Variants in CNTNAP4 observed in about 807,000 individuals in gnomAD.
The protein encoded by CNTNAP4 is contactin-associated protein-like 4.
Under a neutral mutation model 148.4 loss-of-function variants are expected in CNTNAP4, and 98 were observed. The observed-to-expected ratio is 0.66, with a 90% CI of 0.56 to 0.78. The LOEUF (loss-of-function observed/expected upper bound fraction) is 0.78. CNTNAP4 is among the 30% of genes least tolerant of loss of function. The pLI, the probability that CNTNAP4 is intolerant of heterozygous loss-of-function variation, is 0.00. For missense variants in CNTNAP4, 1,935 were observed against 1,565.6 expected, an observed-to-expected ratio of 1.24 and a Z score of -3.98; for synonymous variants, 730 against 565.1, an observed-to-expected ratio of 1.29 and a Z score of -4.14.
intron 1 of CNTNAP4, among the ~76,000 whole-genome samples, chr16:76,279,093 G>A (rs1326399261): frequency 6.6e-6 from 1 of 152,128 alleles, no homozygotes; most frequent in Non-Finnish European, 1.5e-5. Flanking sequence ...GAAAAACATT[G>A]CATCATACAA....
intron 21 of CNTNAP4, among the ~76,000 whole-genome samples, chr16:76,551,138 G>A (rs771719294): frequency 1.1e-4 from 16 of 152,058 alleles, no homozygotes; most frequent in Admixed American, 2.0e-4. Flanking sequence ...GGCCAGGTGC[G>A]GTGGTTCATG....
intron 17 of CNTNAP4, among the ~76,000 whole-genome samples, chr16:76,522,646 TTTTCTCTCTTTCTC>T (rs1568495875): frequency 1.1e-5 from 1 of 93,558 alleles, no homozygotes; most frequent in Non-Finnish European, 2.3e-5. Flanking sequence ...TCTTTCTTTC[TTTTCTCTCTTTCTC>T]TCTTTCCTTC....
intron 2 of CNTNAP4, among the ~76,000 whole-genome samples, chr16:76,332,361 A>C (rs1406655445): frequency 1.3e-5 from 2 of 152,068 alleles, no homozygotes; most frequent in East Asian, 3.9e-4. Context: ...CTTAGGCTCA[A>C]GTGATCCTCC....
rs577922034 is a variant in CNTNAP4 at position 76,328,474 on chromosome 16, C to G, written c.196+11951C>G. ...ACTAAATGTAACATGATTCACATGA[C>G]TAAACGCAACAACATGAAATGAACA... On this transcript the variant is annotated intron_variant, in intron 2 of 23. Transcript: ENST00000611870. 5.3e-5 allele frequency among the ~76,000 whole-genome samples: 8 copies of G among 152,266 alleles called. No homozygotes were observed. In the South Asian group the frequency reaches 1.7e-3, roughly 32 times the overall value.
chr16:76,546,977 C>T (rs757826847), intron 21 of CNTNAP4, among the ~76,000 whole-genome samples: 4 of 152,276 alleles, frequency 2.6e-5, no homozygotes, highest in South Asian at 4.1e-4. Context: ...AGTTCATCCT[C>T]ATTTGTAGAA....
chr16:76,451,270 T>C (rs2080462023), intron 7 of CNTNAP4, among the ~76,000 whole-genome samples: 1 of 152,198 alleles, frequency 6.6e-6, no homozygotes, highest in African/African-American at 2.4e-5. Flanking sequence ...ACCCAAGCTC[T>C]CTTTTTTGGC....
chr16:76,553,214 T>C, intron 21 of CNTNAP4, 69 bp from the exon 22 acceptor site: 1 of 916,320 alleles, frequency 1.1e-6, no homozygotes, highest in Non-Finnish European at 1.7e-6. Context: ...CTCAGAATCC[T>C]CAATTTCTGC....
At chr16:76,386,112 A>G (rs1314288787) in intron 3 of CNTNAP4, among the ~76,000 whole-genome samples, 1 of 152,202 alleles carries the variant, frequency 6.6e-6, no homozygotes, top group Non-Finnish European at 1.5e-5. Context: ...ACATTCACAA[A>G]TGACCACTGA....
rs879058575 is a variant in CNTNAP4 at position 76,558,869 on chromosome 16, C to A, written c.*186C>A. On this transcript the variant is annotated 3_prime_UTR_variant, in exon 24 of 24. Transcript: ENST00000611870. ...CCAGTGATATATTTCTCATAGCATT[C>A]ATTCTATGGAACAAGAAATTAGATA... The A allele has an allele frequency of 2.1e-6, 1 of 465,388 alleles. No individual in the cohort carries two copies. The highest frequency in any genetic ancestry group is 4.7e-5 in the South Asian group (1 of 21,438). 28.8% of individuals were successfully genotyped at this position (465,388 alleles called of 1,614,324 possible).
At chr16:76,460,773 A>AATAAATATAT (rs1555564518) in intron 8 of CNTNAP4, among the ~76,000 whole-genome samples, 17 of 57,328 alleles carry the variant, frequency 3.0e-4, no homozygotes, top group African/African-American at 1.1e-3. Context: ...AAAAAAAAAA[A>AATAAATATAT]ATATATATAT....
rs56872482 is a variant in CNTNAP4 at position 76,399,730 on chromosome 16, T to C, written c.391-27722T>C. Among the ~76,000 whole-genome samples the C allele has an allele frequency of 9.5e-3, 1,441 of 152,350 alleles. 26 individuals carry two copies. The highest frequency in any genetic ancestry group is 0.032 in the African/African-American group (1,336 of 41,584). ...GAAGTTAAAAAGAAATCTATAATCT[T>C]ATCACTTAAAAGCACTGCTGTATTA... is the stretch of plus-strand genomic sequence containing the variant. On this transcript the variant is annotated intron_variant, in intron 3 of 23. Coordinates refer to ENST00000611870, the MANE Select transcript of CNTNAP4 (RefSeq NM_033401.5).
In CNTNAP4 at chr16:76,521,925, C is replaced by A; in HGVS notation, c.2537-114C>A. The stretch of plus-strand genomic sequence containing the variant: ...CAATAGCATTGAAACCATCTATGTT[C>A]GTTATCTTTCTGTTCAGCGATTGTT... On this transcript the variant is annotated intron_variant, in intron 16 of 23. Transcript: ENST00000611870. 5.4e-6 allele frequency: 5 copies of A among 922,106 alleles called. No individual in the cohort carries two copies. The South Asian group carries it at 5.8e-5, about 11-fold the overall frequency. The allele number at this position is 922,106 out of a possible 1,614,324, so 57.1% of individuals were successfully genotyped here.
rs749533826 is a variant in CNTNAP4, at chr16:76,277,766, A to G, written c.85+19A>G. The G allele has an allele frequency of 5.4e-6, 8 of 1,476,386 alleles. No homozygotes were observed. Among genetic ancestry groups the G allele is most frequent in the South Asian group, 2.4e-5 (2 of 84,036 alleles). The allele number at this position is 1,476,386 out of a possible 1,614,324, so 91.5% of individuals were successfully genotyped here. A position where few individuals can be genotyped will look rare whatever the true frequency, so the allele number is the denominator to read the frequency against. ...AATTCCTGTAAGTATACAGCAAATG[A>G]TTTAAAACTTGCTGGGGGGCTCTCT... is the stretch of plus-strand genomic sequence containing the variant. On this transcript the variant is annotated intron_variant, in intron 1 of 23. Transcript: ENST00000611870.
At chr16:76,342,564 C>T (rs563463613) in intron 2 of CNTNAP4, among the ~76,000 whole-genome samples, 41 of 147,752 alleles carry the variant, frequency 2.8e-4, no homozygotes, top group African/African-American at 9.9e-4. Flanking sequence ...GCTCCACCTC[C>T]GAGGTTCACA....
At chr16:76,439,767 C>G (rs75482508) in intron 4 of CNTNAP4, among the ~76,000 whole-genome samples, 4,501 of 152,124 alleles carry the variant, frequency 0.03, 154 homozygotes, top group African/African-American at 0.092. Flanking sequence ...GTGCCTTCTT[C>G]CTTTTTATTG....
intron 8 of CNTNAP4, among the ~76,000 whole-genome samples, chr16:76,460,522 G>A (rs2080902226): frequency 2.7e-5 from 4 of 148,610 alleles, no homozygotes; most frequent in Middle Eastern, 7.1e-3. Context: ...AGCACTTTGG[G>A]AAGCCGAGGC....
intron 9 of CNTNAP4, among the ~76,000 whole-genome samples, chr16:76,463,178 A>G (rs890887447): frequency 1.3e-5 from 2 of 152,240 alleles, no homozygotes; most frequent in Non-Finnish European, 2.9e-5. Flanking sequence ...TTTTATGGCA[A>G]TCCATAGTAA....
chr16:76,460,521 G>T (rs768960351), intron 8 of CNTNAP4, among the ~76,000 whole-genome samples: 250 of 148,806 alleles, frequency 1.7e-3, no homozygotes, highest in Non-Finnish European at 2.8e-3. Flanking sequence ...CAGCACTTTG[G>T]GAAGCCGAGG....
chr16:76,387,172 A>G (rs2016583765), intron 3 of CNTNAP4, among the ~76,000 whole-genome samples: 1 of 152,184 alleles, frequency 6.6e-6, no homozygotes. Flanking sequence ...ATTTTTGGCA[A>G]TTTGGTACAC....
Sources: gnomAD v4.1 joint callset for allele counts (sites outside exome capture counted in the v4.1 genomes callset) on GRCh38, gnomAD v4.1.1 for gene constraint, MANE v1.5 for transcripts, NCBI Gene and HGNC (gene_info 2026-07-23, HGNC 2026-07-21) for gene names.